WASHC5: variants seen among roughly 807,000 people sequenced by gnomAD.
WASHC5 encodes WASH complex subunit strumpellin.
A neutral mutation model predicts 150.4 loss-of-function variants in WASHC5; 101 were observed. The observed-to-expected ratio is 0.67, with a 90% CI of 0.57 to 0.79. The LOEUF is 0.79. Among genes scored for constraint, WASHC5 ranks in the 30% least tolerant of loss-of-function variants. The pLI, the probability that WASHC5 is intolerant of heterozygous loss-of-function variation, is 0.00. For synonymous variants in WASHC5, 467 were observed against 491.2 expected, an observed-to-expected ratio of 0.95 and a Z score of 0.65; for missense variants, 1,195 against 1,396.3, an observed-to-expected ratio of 0.86 and a Z score of 2.30.
chr8:125,088,577 G>C (rs967737437), intron 1 of WASHC5, among the ~76,000 whole-genome samples: 1 of 152,082 alleles, frequency 6.6e-6, no homozygotes, highest in African/African-American at 2.4e-5. Flanking sequence ...TGGTGTGAGA[G>C]AGCCCTGGGG....
chr8:125,054,797 T>C (rs949200889), intron 17 of WASHC5, among the ~76,000 whole-genome samples: 2 of 148,014 alleles, frequency 1.4e-5, no homozygotes, highest in Non-Finnish European at 3.0e-5. Context: ...CTAGCCTGGA[T>C]GACAGAACAA....
At chr8:125,064,608 G>GTT (rs900675844) in intron 10 of WASHC5, among the ~76,000 whole-genome samples, 1 of 144,302 alleles carries the variant, frequency 6.9e-6, no homozygotes. Context: ...TCAGGGTTGG[G>GTT]TTTTTTTTTT....
intron 26 of WASHC5, among the ~76,000 whole-genome samples, chr8:125,033,063 C>A (rs994297108): frequency 6.6e-6 from 1 of 152,060 alleles, no homozygotes; most frequent in African/African-American, 2.4e-5. Context: ...ACCACTGCAC[C>A]TGGCTCTACA....
rs1402167094 is a variant in WASHC5 at position 125,024,663 on chromosome 8, G to A, written c.3434C>T (p.Ala1145Val). ...YTKLPRRVAEAHVPNFIFDEF... is the reference protein window; with the variant it reads ...YTKLPRRVAEVHVPNFIFDEF... ...ATCAAAAATGAAATTAGGCACATGTGCTTCAGCAACCTGAAAAATTAAAGA... is the reference window on the plus strand; with the variant it reads ...ATCAAAAATGAAATTAGGCACATGTACTTCAGCAACCTGAAAAATTAAAGA... Residue 1145 changes from alanine (A) to valine (V), a missense_variant, in exon 29 of 29, where the codon GCA (alanine) becomes GTA (valine). By Grantham distance (64) the Ala-to-Val change is moderately conservative (BLOSUM62 0). Coordinates refer to ENST00000318410, the MANE Select transcript of WASHC5 (RefSeq NM_014846.4). The A allele has an allele frequency of 6.2e-7, 1 of 1,608,392 alleles. No homozygotes were observed. Among genetic ancestry groups the A allele is most frequent in the Admixed American group, 1.7e-5 (1 of 59,974 alleles).
chr8:125,053,614 A>C (rs28498361), intron 17 of WASHC5, among the ~76,000 whole-genome samples: 16,968 of 152,104 alleles, frequency 0.11, 2,227 homozygotes, highest in African/African-American at 0.31. Flanking sequence ...ATTCTAGGAA[A>C]TACCATGGTA....
At chr8:125,083,057 C>A in intron 3 of WASHC5, 56 bp downstream of exon 3, 1 of 1,174,916 alleles carries the variant, frequency 8.5e-7, no homozygotes. Context: ...GCTATGTGTC[C>A]TTTTCCCTCT....
rs34050035 is a variant in WASHC5, at chr8:125,025,833, G to GACACACACACACACACAC, written c.3424-1178_3424-1161dup. Among the ~76,000 whole-genome samples, 1,116 of 148,122 alleles carry GACACACACACACACACAC rather than the reference G, an allele frequency of 7.5e-3. 20 individuals carry two copies. The highest frequency in any genetic ancestry group is 0.055 in the South Asian group (255 of 4,640). ...TCCAGTTTACTTACATATGCAGACA[G>GACACACACACACACACAC]ACACACACACACACACACACACACA... On this transcript the variant is annotated intron_variant, in intron 28 of 28. Coordinates refer to ENST00000318410, the MANE Select transcript of WASHC5 (RefSeq NM_014846.4).
At chr8:125,061,331 C>G (rs76919910) in intron 11 of WASHC5, 137 bp from the exon 12 acceptor site, 1 of 599,740 alleles carries the variant, frequency 1.7e-6, no homozygotes, top group African/African-American at 1.9e-5. Flanking sequence ...ATTTTCCAAA[C>G]GACAAAAATG....
intron 27 of WASHC5, among the ~76,000 whole-genome samples, chr8:125,030,570 C>T (rs549714199): frequency 4.2e-4 from 62 of 147,898 alleles, no homozygotes; most frequent in African/African-American, 1.6e-3. Context: ...TGTCAAGAAA[C>T]CCATCACTGC....
intron 28 of WASHC5, among the ~76,000 whole-genome samples, chr8:125,025,829 G>GAC (rs1320625975): frequency 7.7e-5 from 9 of 116,712 alleles, no homozygotes; most frequent in African/African-American, 2.4e-4. Flanking sequence ...TACATATGCA[G>GAC]ACAGACACAC....
rs116308020 is a variant in WASHC5 at position 125,040,061 on chromosome 8, T to C, written c.2851-163A>G. Among the ~76,000 whole-genome samples, 444 of 152,308 alleles carry C rather than the reference T, an allele frequency of 2.9e-3. 4 individuals carry two copies. Among genetic ancestry groups the C allele is most frequent in the African/African-American group, 0.01 (421 of 41,558 alleles). The stretch of plus-strand genomic sequence containing the variant: ...CTGATCTCTTGGCTAAGACCAGCAC[T>C]GGATCTAATGAAGCACCAGAGGCCC... On this transcript the variant is annotated intron_variant, in intron 23 of 28. Transcript: ENST00000318410.
At chr8:125,055,723 TGAACAAAGATAACAGGAAAAGAACTTG>T in intron 16 of WASHC5, 52 bp from the exon 17 acceptor site, 1 of 1,075,912 alleles carries the variant, frequency 9.3e-7, no homozygotes, top group Non-Finnish European at 1.4e-6. Flanking sequence ...AGTCCTGGAA[TGAACAAAGATAACAGGAAAAGAACTTG>T]TAGCTTTAGG....
chr8:125,088,406 C>G (rs1326504285), intron 1 of WASHC5, among the ~76,000 whole-genome samples: 1 of 133,914 alleles, frequency 7.5e-6, no homozygotes, highest in African/African-American at 2.8e-5. Flanking sequence ...GCCTGGGTGA[C>G]AGAGTGAGAC....
chr8:125,083,057 C>T, intron 3 of WASHC5, 56 bp downstream of exon 3: 2 of 1,174,914 alleles, frequency 1.7e-6, no homozygotes, highest in Non-Finnish European at 2.5e-6. Context: ...GCTATGTGTC[C>T]TTTTCCCTCT....
chr8:125,044,138 TAAAC>T, intron 21 of WASHC5, 44 bp from the exon 22 acceptor site: 1 of 1,299,548 alleles, frequency 7.7e-7, no homozygotes, highest in Non-Finnish European at 1.1e-6. Flanking sequence ...CATAATGAAT[TAAAC>T]AAGCAAATTC....
rs369066764 is a variant in WASHC5, at chr8:125,049,114, G to A, written c.2271C>T (p.Tyr757=). 44 of 1,613,734 alleles carry A rather than the reference G, an allele frequency of 2.7e-5. No individual in the cohort carries two copies. Among genetic ancestry groups the A allele is most frequent in the Non-Finnish European group, 3.6e-5 (43 of 1,179,900 alleles). ...CATAAATGTTGACATAGTCCTGTAT[G>A]TATTCAAAAGAACGATGGAATCCAT... ...TMDGFHRSFE[Y]IQDYVNIYGL... The change falls in exon 19 of 29, where the codon TAC becomes TAT. Residue 757 remains tyrosine, a synonymous_variant. Transcript: ENST00000318410.
rs1323200919 is a variant in WASHC5, at chr8:125,043,912, G to C, written c.2771-8C>G. 6.2e-7 allele frequency: 1 copy of C among 1,609,794 alleles called. No homozygotes were observed. On this transcript the variant is annotated splice_polypyrimidine_tract_variant and splice_region_variant and intron_variant, in intron 22 of 28. Transcript: ENST00000318410. ...AAATTTTATTTGAATTTGCTGAAAA[G>C]TTAAAACATAATTTTCTCTTTAGTA...
Position 125,037,161 on chromosome 8 carries a change from T to A in WASHC5, c.3181+76A>T, listed in dbSNP as rs543089545. ...GATCTCATATCCGACATAGGCATTC[T>A]ATACAAAAAGCTATTTAGTTAAATG... On this transcript the variant is annotated intron_variant, in intron 26 of 28. Transcript: ENST00000318410. 4 of 867,148 alleles carry A rather than the reference T, an allele frequency of 4.6e-6. 1 individual carries two copies. In the East Asian group the frequency reaches 7.3e-5, roughly 16 times the overall value. 53.7% of individuals were successfully genotyped at this position (867,148 alleles called of 1,614,324 possible).
At chr8:125,077,317 T>A (rs1003972655) in intron 6 of WASHC5, among the ~76,000 whole-genome samples, 1 of 152,180 alleles carries the variant, frequency 6.6e-6, no homozygotes, top group African/African-American at 2.4e-5. Flanking sequence ...TGGCCCACCT[T>A]TTCTCTCCCT....
Sources: allele counts gnomAD v4.1 joint callset (sites outside exome capture counted in the v4.1 genomes callset), GRCh38; gene constraint gnomAD v4.1.1; transcripts MANE v1.5; gene names NCBI Gene and HGNC (gene_info 2026-07-23, HGNC 2026-07-21).